TMCO6: variants seen among roughly 807,000 people sequenced by gnomAD.
TMCO6 encodes transmembrane and coiled-coil domain-containing protein 6.
TMCO6 carries 47 observed loss-of-function variants against 61.8 expected under a neutral mutation model. That is an observed-to-expected ratio of 0.76 (90% CI 0.60 to 0.97). The LOEUF (loss-of-function observed/expected upper bound fraction) is 0.97, where lower values mean the gene tolerates loss of function less well. TMCO6 is among the 50% of genes least tolerant of loss of function. TMCO6 has a pLI of 0.00. For missense variants in TMCO6, 557 were observed against 601.6 expected, an observed-to-expected ratio of 0.93 and a Z score of 0.78; for synonymous variants, 261 against 254.2, an observed-to-expected ratio of 1.03 and a Z score of -0.25.
At chr5:140,638,200 T>C (rs941494984), upstream of TMCO6, among the ~76,000 whole-genome samples, 13 of 152,150 alleles carry the variant, frequency 8.5e-5, no homozygotes, top group Non-Finnish European at 1.8e-4. Flanking sequence ...CTGTACCCTT[T>C]CCCCATTGGC....
the TMCO6 span, among the ~76,000 whole-genome samples, chr5:140,610,708 A>G: frequency 2.0e-5 from 3 of 152,190 alleles, no homozygotes; most frequent in Non-Finnish European, 2.9e-5. Context: ...TTCAACCTGG[A>G]TGCCATTTAT....
chr5:140,631,951 T>G, the TMCO6 span: 1 of 1,612,826 alleles, frequency 6.2e-7, no homozygotes, highest in African/African-American at 1.3e-5. Context: ...ACGCCGGAGT[T>G]CATTGAGCCC....
At chr5:140,636,738 A>G (rs1756779105), upstream of TMCO6, among the ~76,000 whole-genome samples, 1 of 152,162 alleles carries the variant, frequency 6.6e-6, no homozygotes, top group Non-Finnish European at 1.5e-5. Context: ...TTTGTGGAAG[A>G]GATTGCAGAC....
the TMCO6 span, among the ~76,000 whole-genome samples, chr5:140,599,880 C>A: frequency 3.3e-5 from 5 of 152,000 alleles, no homozygotes; most frequent in East Asian, 9.7e-4. Flanking sequence ...TGCACTCCAG[C>A]CTGGGTGACA....
At chr5:140,616,720 C>A in the TMCO6 span, among the ~76,000 whole-genome samples, 2 of 152,116 alleles carry the variant, frequency 1.3e-5, no homozygotes. Context: ...AGAACTCCTG[C>A]AACTCAATAA....
the TMCO6 span, among the ~76,000 whole-genome samples, chr5:140,616,346 G>T: frequency 1.3e-5 from 2 of 152,158 alleles, no homozygotes; most frequent in Non-Finnish European, 2.9e-5. Flanking sequence ...GATTGCTTGA[G>T]TTCAAGAGTT....
the TMCO6 span, chr5:140,632,653 G>T: frequency 1.2e-6 from 2 of 1,613,562 alleles, no homozygotes; most frequent in Non-Finnish European, 1.7e-6. This position sits in a 1 kb window ranked among gnomAD's most constrained non-coding sequence, Gnocchi z 6.2. Context: ...GCTAGCACAC[G>T]CAGGGCGCCT....
chr5:140,637,998 C>CTTT (rs1561939555), upstream of TMCO6, among the ~76,000 whole-genome samples: 2 of 114,436 alleles, frequency 1.7e-5, no homozygotes, highest in African/African-American at 3.8e-5. Context: ...TTTCTTTCTT[C>CTTT]CTTCCTTTCT....
chr5:140,602,416 C>T, the TMCO6 span, among the ~76,000 whole-genome samples: 1 of 152,118 alleles, frequency 6.6e-6, no homozygotes, highest in African/African-American at 2.4e-5. Flanking sequence ...AGTTTCATTT[C>T]GTCTTTTTGA....
At position 140,644,265 on chromosome 5, in the gene TMCO6, AGATGT is replaced by A. The variant is rs1757247502; in HGVS notation, c.1200+72_1200+76del. On this transcript the variant is annotated intron_variant, in intron 10 of 11. Transcript: ENST00000394671. ...TATGGGACAGCAGTCCTGAGCCCTC[AGATGT>A]ACCCTTAGTTGAGAGCCAGCAGGTG... 5.3e-6 allele frequency: 8 copies of A among 1,512,226 alleles called. No homozygotes were observed. In the East Asian group the frequency reaches 1.6e-4, roughly 30 times the overall value. The allele number at this position is 1,512,226 out of a possible 1,614,324, so 93.7% of individuals were successfully genotyped here. A position where few individuals can be genotyped will look rare whatever the true frequency, so the allele number is the denominator to read the frequency against.
At chr5:140,621,740 G>A in the TMCO6 span, among the ~76,000 whole-genome samples, 3 of 152,148 alleles carry the variant, frequency 2.0e-5, no homozygotes, top group Non-Finnish European at 4.4e-5. Flanking sequence ...TCTCAGCAAG[G>A]AACATCCCTG....
At chr5:140,641,256 C>T (rs551945564) in intron 2 of TMCO6, 3 of 161,946 alleles carry the variant, frequency 1.9e-5, no homozygotes, top group East Asian at 1.8e-4. Context: ...TGCAAAAGCT[C>T]GGAAATGTAA....
chr5:140,617,487 G>A, the TMCO6 span, among the ~76,000 whole-genome samples: 84 of 152,274 alleles, frequency 5.5e-4, no homozygotes, highest in African/African-American at 8.4e-4. Context: ...GAGGGCTGAG[G>A]TTGCATTTAG....
At chr5:140,596,731 G>T in the TMCO6 span, among the ~76,000 whole-genome samples, 1 of 152,282 alleles carries the variant, frequency 6.6e-6, no homozygotes, top group East Asian at 1.9e-4. Context: ...TGTTACCCCT[G>T]GGGTATAAAG....
chr5:140,639,994 C>T (rs1422502932), intron 2 of TMCO6, 143 bp downstream of exon 2: 5 of 673,896 alleles, frequency 7.4e-6, no homozygotes, highest in Non-Finnish European at 1.3e-5. Context: ...ACAGGGGAAT[C>T]ATCCTGCACA....
the TMCO6 span, among the ~76,000 whole-genome samples, chr5:140,628,673 C>T: frequency 6.6e-6 from 1 of 152,142 alleles, no homozygotes; most frequent in Non-Finnish European, 1.5e-5. Context: ...CTGGAGACCT[C>T]CAGTGAGCCA....
At chr5:140,647,449 C>A (rs775860662), downstream of TMCO6, 2 of 1,606,382 alleles carry the variant, frequency 1.2e-6, no homozygotes, top group South Asian at 1.1e-5. Flanking sequence ...CCTGGCGTCC[C>A]GAAGCCCGCC....
chr5:140,647,726 G>A, downstream of TMCO6: 2 of 1,322,130 alleles, frequency 1.5e-6, no homozygotes, highest in Admixed American at 3.8e-5. Context: ...AAGTATTGTA[G>A]GACCGCTGCG....
the TMCO6 span, chr5:140,632,524 A>G: frequency 6.2e-7 from 1 of 1,614,184 alleles, no homozygotes; most frequent in Non-Finnish European, 8.5e-7. The surrounding 1 kb of genome is among the most constrained non-coding windows in gnomAD (Gnocchi z 6.2). Flanking sequence ...CCTGTCGCCC[A>G]CGACACGTTG....
Sources: allele counts gnomAD v4.1 joint callset (sites outside exome capture counted in the v4.1 genomes callset), GRCh38; gene constraint gnomAD v4.1.1; non-coding constraint Gnocchi (gnomAD v3.1); transcripts MANE v1.5; gene names NCBI Gene and HGNC (gene_info 2026-07-23, HGNC 2026-07-21).